Variants in SELENOF observed in about 807,000 individuals in gnomAD.
The protein encoded by SELENOF is selenoprotein F, also known as 15 kDa selenoprotein.
Under a neutral mutation model 20.5 loss-of-function variants are expected in SELENOF, and 16 were observed. The observed-to-expected ratio is 0.78, with a 90% CI of 0.53 to 1.19. The LOEUF (loss-of-function observed/expected upper bound fraction) is 1.19. Ranked by LOEUF, SELENOF falls within the 50% of genes most tolerant of loss-of-function variation. The pLI, the probability that SELENOF is intolerant of heterozygous loss-of-function variation, is 0.00. For synonymous variants in SELENOF, 78 were observed against 74.5 expected (o/e 1.05, Z -0.24); for missense variants, 215 against 194.2 (o/e 1.11, Z -0.64).
At chr1:86,875,364 T>C (rs774925918) in intron 3 of SELENOF, among the ~76,000 whole-genome samples, 2 of 152,074 alleles carry the variant, frequency 1.3e-5, no homozygotes, top group African/African-American at 2.4e-5. Flanking sequence ...CTTAAGAGAA[T>C]GTAGGAAGAC....
At chr1:86,899,471 C>T (rs1405679375) in intron 2 of SELENOF, among the ~76,000 whole-genome samples, 2 of 133,948 alleles carry the variant, frequency 1.5e-5, no homozygotes, top group African/African-American at 6.6e-5. Flanking sequence ...AGGGGCTCCT[C>T]ACTTCCCAGT....
chr1:86,894,471 AT>A (rs1300519238), intron 2 of SELENOF, among the ~76,000 whole-genome samples: 1 of 152,124 alleles, frequency 6.6e-6, no homozygotes, highest in Non-Finnish European at 1.5e-5. Context: ...AATAAATAAT[AT>A]ATTTTATTCT....
At chr1:86,905,865 C>T (rs897119453) in intron 1 of SELENOF, among the ~76,000 whole-genome samples, 2 of 138,420 alleles carry the variant, frequency 1.4e-5, no homozygotes, top group African/African-American at 6.2e-5. Context: ...TCACAGATAA[C>T]ACATGAATGA....
At chr1:86,869,663 T>A (rs1658703806) in intron 3 of SELENOF, among the ~76,000 whole-genome samples, 2 of 151,066 alleles carry the variant, frequency 1.3e-5, no homozygotes, top group Non-Finnish European at 2.9e-5. Flanking sequence ...TGATCATGCC[T>A]AATTAATTCA....
chr1:86,868,451 A>G (rs1427452321), intron 3 of SELENOF, among the ~76,000 whole-genome samples: 1 of 152,214 alleles, frequency 6.6e-6, no homozygotes, highest in African/African-American at 2.4e-5. Context: ...TTAATATACT[A>G]TGTGATACTG....
intron 3 of SELENOF, among the ~76,000 whole-genome samples, chr1:86,870,273 C>G (rs1423865386): frequency 6.6e-6 from 1 of 152,312 alleles, no homozygotes; most frequent in Admixed American, 6.5e-5. Context: ...AAATATCTCA[C>G]CTAATCCTCC....
intron 3 of SELENOF, among the ~76,000 whole-genome samples, chr1:86,874,414 G>A (rs1658871982): frequency 1.3e-5 from 2 of 152,192 alleles, no homozygotes; most frequent in South Asian, 4.1e-4. Flanking sequence ...TTTAAAGACA[G>A]ATTAAATGTT....
chr1:86,882,360 A>G (rs1659099272), intron 2 of SELENOF, among the ~76,000 whole-genome samples: 1 of 151,970 alleles, frequency 6.6e-6, no homozygotes, highest in Non-Finnish European at 1.5e-5. Context: ...CAACTCCAGA[A>G]AAAAAATCTT....
At chr1:86,902,305 A>G (rs1320626930) in intron 2 of SELENOF, among the ~76,000 whole-genome samples, 1 of 152,204 alleles carries the variant, frequency 6.6e-6, no homozygotes, top group African/African-American at 2.4e-5. Flanking sequence ...TTTTTGAGAT[A>G]CTTGGAATTT....
At chr1:86,892,491 T>C (rs963075757) in intron 2 of SELENOF, among the ~76,000 whole-genome samples, 1 of 152,228 alleles carries the variant, frequency 6.6e-6, no homozygotes, top group African/African-American at 2.4e-5. Context: ...GTGACTACAA[T>C]TTCACGCAGT....
At chr1:86,869,886 T>C (rs1361963994) in intron 3 of SELENOF, among the ~76,000 whole-genome samples, 3 of 152,148 alleles carry the variant, frequency 2.0e-5, no homozygotes, top group East Asian at 1.9e-4. Flanking sequence ...GTGATTCTCC[T>C]GCCTCAGCCT....
At chr1:86,904,446 T>C (rs1459545589) in intron 1 of SELENOF, among the ~76,000 whole-genome samples, 1 of 152,208 alleles carries the variant, frequency 6.6e-6, no homozygotes, top group Non-Finnish European at 1.5e-5. Flanking sequence ...CTTTCAACAA[T>C]ATTCCCTTCC....
chr1:86,868,206 C>T (rs896218058), intron 3 of SELENOF, 104 bp from the exon 4 acceptor site: 2 of 509,898 alleles, frequency 3.9e-6, no homozygotes, highest in African/African-American at 2.0e-5. Flanking sequence ...AACATTATAT[C>T]CTATATGAAA....
chr1:86,880,936 C>G (rs370650923), intron 2 of SELENOF, among the ~76,000 whole-genome samples: 31 of 152,144 alleles, frequency 2.0e-4, no homozygotes, highest in African/African-American at 6.3e-4. Flanking sequence ...AGAGAAACTT[C>G]CAACCTACTT....
intron 1 of SELENOF, among the ~76,000 whole-genome samples, chr1:86,911,784 ATTTT>A (rs34486690): frequency 7.1e-6 from 1 of 140,074 alleles, no homozygotes. Flanking sequence ...TAAAATGACT[ATTTT>A]TTTTTTTTTT....
chr1:86,870,428 T>C (rs1191991717), intron 3 of SELENOF, among the ~76,000 whole-genome samples: 1 of 152,238 alleles, frequency 6.6e-6, no homozygotes, highest in African/African-American at 2.4e-5. Context: ...ATGATTTTTA[T>C]TGCCTTTTAT....
intron 3 of SELENOF, among the ~76,000 whole-genome samples, chr1:86,871,501 C>G (rs1002349227): frequency 2.6e-5 from 4 of 151,968 alleles, no homozygotes; most frequent in Admixed American, 1.3e-4. Context: ...TCAAAATAGC[C>G]CCAAAGTCAA....
intron 4 of SELENOF, among the ~76,000 whole-genome samples, chr1:86,867,490 TCAACAA>T (rs71082044): frequency 1.4e-3 from 204 of 147,804 alleles, no homozygotes; most frequent in Non-Finnish European, 1.8e-3. Context: ...AGACTCCGTC[TCAACAA>T]CAACAACAAC....
intron 4 of SELENOF, among the ~76,000 whole-genome samples, chr1:86,866,265 T>TGTGTGTGTGTGTGTGTGTGTGTG: frequency 7.1e-6 from 1 of 141,382 alleles, no homozygotes; most frequent in East Asian, 2.0e-4. Flanking sequence ...TGTGTGTGTG[T>TGTGTGTGTGTGTGTGTGTGTGTG]AGTGGAATAC....
Sources: allele counts gnomAD v4.1 joint callset (sites outside exome capture counted in the v4.1 genomes callset), GRCh38; gene constraint gnomAD v4.1.1; transcripts MANE v1.5; gene names NCBI Gene and HGNC (gene_info 2026-07-23, HGNC 2026-07-21).